The following ATP11A variants were observed in gnomAD, a reference collection of about 807,000 sequenced individuals.
The protein encoded by ATP11A is phospholipid-transporting ATPase IH.
A neutral mutation model predicts 154.4 loss-of-function variants in ATP11A; 81 were observed. The observed-to-expected ratio is 0.52, with a 90% confidence interval of 0.44 to 0.63. The LOEUF is 0.63. ATP11A is among the 30% of genes least tolerant of loss of function. The pLI, the probability that ATP11A is intolerant of heterozygous loss-of-function variation, is 0.00. For missense variants in ATP11A, 1,316 were observed against 1,474.3 expected (o/e 0.89, Z 1.76); for synonymous variants, 623 against 585.9 (o/e 1.06, Z -0.91).
At position 112,806,299 on chromosome 13, in the gene ATP11A, C is replaced by T. The variant is rs1301602763; in HGVS notation, c.333+6C>T. 7.5e-6 allele frequency: 12 copies of T among 1,606,214 alleles called. No homozygotes were observed. The highest frequency in any genetic ancestry group is 4.0e-5 in the African/African-American group (3 of 74,766). On this transcript the variant is annotated splice_donor_region_variant and intron_variant, in intron 4 of 29. Coordinates refer to ENST00000375645, the MANE Select transcript of ATP11A (RefSeq NM_015205.3). The stretch of plus-strand genomic sequence containing the variant: ...CTGTGACGGCTATCAAACAGGTAAG[C>T]ATTTTACAGACGAAAAAGAAGCAAT...
chr13:112,856,215 C>G, intron 20 of ATP11A, 130 bp downstream of exon 20: 1 of 908,584 alleles, frequency 1.1e-6, no homozygotes, highest in Non-Finnish European at 1.6e-6. Context: ...TAGAAGCAAC[C>G]GTGATAGAGA....
chr13:112,795,750 G>A (rs1310841216), intron 2 of ATP11A, among the ~76,000 whole-genome samples: 1 of 152,222 alleles, frequency 6.6e-6, no homozygotes, highest in East Asian at 1.9e-4. Context: ...AGCTAATGGA[G>A]AGTAACTGAC....
intron 6 of ATP11A, 134 bp from the exon 7 acceptor site, chr13:112,819,170 T>C: frequency 1.4e-6 from 1 of 738,960 alleles, no homozygotes; most frequent in Non-Finnish European, 2.3e-6. Flanking sequence ...TAGTACCTTA[T>C]CTTTCTGTAA....
In ATP11A at chr13:112,882,373, A is replaced by C; in HGVS notation, c.*507A>C. 2.7e-6 allele frequency: 1 copy of C among 366,594 alleles called. No homozygotes were observed. The highest frequency in any genetic ancestry group is 5.1e-6 in the Non-Finnish European group (1 of 194,402). 22.7% of individuals were successfully genotyped at this position (366,594 alleles called of 1,614,324 possible). A position where few individuals can be genotyped will look rare whatever the true frequency, so the allele number is the denominator to read the frequency against. On this transcript the variant is annotated 3_prime_UTR_variant, in exon 30 of 30. Transcript: ENST00000375645. The surrounding 1 kb of genome is among the most constrained non-coding windows in gnomAD (Gnocchi z 5.1). Reference sequence around the variant, plus strand: ...CGTCCAGGGACCCATGGTGGCCCACATGTGGATGCCACATGCTGCTGTTTC... The same window carrying C: ...CGTCCAGGGACCCATGGTGGCCCACCTGTGGATGCCACATGCTGCTGTTTC...
intron 1 of ATP11A, among the ~76,000 whole-genome samples, chr13:112,756,903 G>A (rs996680987): frequency 3.5e-5 from 5 of 141,818 alleles, no homozygotes; most frequent in Non-Finnish European, 3.1e-5. Flanking sequence ...TGCTCCCAGC[G>A]CGGGGCCTGC....
chr13:112,824,982 T>C (rs1005807108), intron 10 of ATP11A, among the ~76,000 whole-genome samples: 1 of 152,196 alleles, frequency 6.6e-6, no homozygotes, highest in African/African-American at 2.4e-5. Flanking sequence ...CTTTCAGAGT[T>C]ATTTACTTTT....
intron 7 of ATP11A, 93 bp from the exon 8 acceptor site, chr13:112,819,807 A>AC: frequency 7.5e-7 from 1 of 1,333,888 alleles, no homozygotes; most frequent in South Asian, 1.2e-5. Flanking sequence ...CCAGGTGAAG[A>AC]CGTGTGGCTC....
At chr13:112,879,382 A>G (rs1411444126) in intron 29 of ATP11A, among the ~76,000 whole-genome samples, 3 of 152,248 alleles carry the variant, frequency 2.0e-5, no homozygotes, top group Admixed American at 1.3e-4. Context: ...ATTAAATTGC[A>G]GAATTTCATC....
chr13:112,707,546 T>TAA (rs550827543), intron 1 of ATP11A, among the ~76,000 whole-genome samples: 186 of 152,162 alleles, frequency 1.2e-3, no homozygotes, highest in African/African-American at 4.2e-3. Context: ...CCGATCCTCT[T>TAA]AAAACTACAC....
intron 1 of ATP11A, among the ~76,000 whole-genome samples, chr13:112,763,419 A>G (rs145955212): frequency 0.015 from 2,261 of 152,314 alleles, 31 homozygotes; most frequent in Middle Eastern, 0.037. Context: ...ACCTGACTCT[A>G]GTGTACCCTC....
chr13:112,700,103 G>T (rs1193169065), intron 1 of ATP11A, among the ~76,000 whole-genome samples: 1 of 150,974 alleles, frequency 6.6e-6, no homozygotes, highest in Non-Finnish European at 1.5e-5. Flanking sequence ...TTCCTGGTAG[G>T]AAGGTAAAAG....
intron 1 of ATP11A, among the ~76,000 whole-genome samples, chr13:112,714,754 A>C (rs1037617440): frequency 1.1e-4 from 16 of 152,194 alleles, no homozygotes; most frequent in African/African-American, 3.9e-4. Flanking sequence ...CAGTGAGGCC[A>C]CTGTGGATCA....
chr13:112,774,324 G>A (rs1381104226), intron 1 of ATP11A, among the ~76,000 whole-genome samples: 1 of 152,168 alleles, frequency 6.6e-6, no homozygotes, highest in East Asian at 1.9e-4. Flanking sequence ...AAAGCTTCCG[G>A]TATCTCCAGT....
chr13:112,783,733 T>C (rs1754628391), intron 1 of ATP11A, among the ~76,000 whole-genome samples: 1 of 152,264 alleles, frequency 6.6e-6, no homozygotes, highest in Non-Finnish European at 1.5e-5. Flanking sequence ...CTCAGGGCCA[T>C]GGCCAGGGCT....
intron 1 of ATP11A, among the ~76,000 whole-genome samples, chr13:112,749,877 G>C (rs2076653303): frequency 7.6e-6 from 1 of 131,772 alleles, no homozygotes. Context: ...GGACACGCCT[G>C]CTGAAGGACG....
intron 1 of ATP11A, among the ~76,000 whole-genome samples, chr13:112,752,565 G>A (rs2076719850): frequency 6.6e-6 from 1 of 152,228 alleles, no homozygotes; most frequent in African/African-American, 2.4e-5. Context: ...CTTCAGCACT[G>A]AATACGCGTC....
chr13:112,721,007 A>G (rs534295011), intron 1 of ATP11A, among the ~76,000 whole-genome samples: 37 of 152,120 alleles, frequency 2.4e-4, no homozygotes, highest in African/African-American at 8.7e-4. Flanking sequence ...TTGGCTCTTG[A>G]AGTCAGAAGG....
At chr13:112,782,254 C>G (rs1024996375) in intron 1 of ATP11A, among the ~76,000 whole-genome samples, 1 of 152,130 alleles carries the variant, frequency 6.6e-6, no homozygotes, top group African/African-American at 2.4e-5. Context: ...TGGAAGCGGC[C>G]GGGAAGCGTG....
chr13:112,709,592 CTG>C (rs1271146053), intron 1 of ATP11A, among the ~76,000 whole-genome samples: 1 of 152,252 alleles, frequency 6.6e-6, no homozygotes, highest in African/African-American at 2.4e-5. Context: ...CATTTCCTTT[CTG>C]TCATCCCAGG....
Sources: allele counts gnomAD v4.1 joint callset (sites outside exome capture counted in the v4.1 genomes callset), GRCh38; gene constraint gnomAD v4.1.1; non-coding constraint Gnocchi (gnomAD v3.1); transcripts MANE v1.5; gene names NCBI Gene and HGNC (gene_info 2026-07-23, HGNC 2026-07-21).